BRCC3: variants seen among roughly 807,000 people sequenced by gnomAD.
The protein encoded by BRCC3 is lys-63-specific deubiquitinase BRCC36.
A neutral mutation model predicts 28.0 loss-of-function variants in BRCC3; 15 were observed. The ratio of observed to expected loss-of-function variants is 0.54; its 90% CI spans 0.36 to 0.82. BRCC3 has a LOEUF of 0.82. BRCC3 is among the 40% of genes least tolerant of loss of function. BRCC3 has a pLI of 0.01. For missense variants in BRCC3, 109 were observed against 225.9 expected, an observed-to-expected ratio of 0.48 and a Z score of 3.32; for synonymous variants, 66 against 80.3, an observed-to-expected ratio of 0.82 and a Z score of 0.95.
intron 7 of BRCC3, among the ~76,000 whole-genome samples, chrX:155,104,898 TAAGAGTGTATACTCAA>T (rs1401480408): frequency 4.4e-5 from 5 of 112,986 alleles, no homozygotes; most frequent in African/African-American, 1.6e-4. Context: ...GACATATGCC[TAAGAGTGTATACTCAA>T]AATACTTAGC....
chrX:155,102,104 C>T (rs2074250267), intron 7 of BRCC3, among the ~76,000 whole-genome samples: 1 of 112,232 alleles, frequency 8.9e-6, no homozygotes, highest in Admixed American at 9.4e-5. Context: ...TTGTCTATTA[C>T]AAATAAAGCT....
intron 3 of BRCC3, 73 bp from the exon 4 acceptor site, chrX:155,077,097 C>A (rs1375338964): frequency 1.3e-5 from 12 of 905,825 alleles, no homozygotes; most frequent in Non-Finnish European, 1.6e-5. Flanking sequence ...TAATAAAATG[C>A]AATTCTATAG....
intron 7 of BRCC3, among the ~76,000 whole-genome samples, chrX:155,092,732 G>A (rs1355751357): frequency 9.1e-6 from 1 of 110,463 alleles, no homozygotes; most frequent in Non-Finnish European, 1.9e-5. Flanking sequence ...TCTTCTCTAG[G>A]CCTACTGCAC....
chrX:155,088,639 C>T (rs782276507), intron 5 of BRCC3, among the ~76,000 whole-genome samples: 18 of 111,606 alleles, frequency 1.6e-4, no homozygotes, highest in Non-Finnish European at 3.4e-4. Context: ...AGGCAAGAGC[C>T]ACCACGCCTG....
At chrX:155,106,646 C>T (rs2074286750) in intron 7 of BRCC3, among the ~76,000 whole-genome samples, 1 of 112,037 alleles carries the variant, frequency 8.9e-6, no homozygotes, top group African/African-American at 3.2e-5. Flanking sequence ...TTTTTTTGTA[C>T]TGTCTTTATC....
At chrX:155,073,788 TC>T (rs1557292977) in intron 3 of BRCC3, among the ~76,000 whole-genome samples, 71 of 111,069 alleles carry the variant, frequency 6.4e-4, no homozygotes, top group African/African-American at 2.2e-3. Flanking sequence ...CATGCAGCCC[TC>T]TCTTCTTAAA....
At chrX:155,097,174 C>T (rs184251819) in intron 7 of BRCC3, among the ~76,000 whole-genome samples, 14 of 111,333 alleles carry the variant, frequency 1.3e-4, no homozygotes, top group East Asian at 8.4e-4. Flanking sequence ...CAAACTAAAA[C>T]GCCTGCACAG....
intron 7 of BRCC3, among the ~76,000 whole-genome samples, chrX:155,101,459 A>G (rs1376382738): frequency 8.9e-6 from 1 of 111,925 alleles, no homozygotes; most frequent in East Asian, 2.8e-4. Context: ...TCACATGGCA[A>G]TGTTCTAATT....
At chrX:155,118,497 A>C (rs182389654) in intron 9 of BRCC3, among the ~76,000 whole-genome samples, 34 of 112,150 alleles carry the variant, frequency 3.0e-4, no homozygotes, top group Admixed American at 2.3e-3. Flanking sequence ...AGGATGTCTT[A>C]GTTCATTTTG....
At chrX:155,089,171 T>C in intron 5 of BRCC3, 92 bp from the exon 6 acceptor site, 1 of 587,691 alleles carries the variant, frequency 1.7e-6, no homozygotes, top group Non-Finnish European at 2.7e-6. Context: ...TATGTTGCTG[T>C]TATCTTTAAA....
chrX:155,091,121 T>A (rs1351495258), intron 7 of BRCC3, among the ~76,000 whole-genome samples: 1 of 111,765 alleles, frequency 8.9e-6, no homozygotes, highest in African/African-American at 3.3e-5. Flanking sequence ...TGAGCTGCTA[T>A]TTTTCCTTTC....
intron 3 of BRCC3, 133 bp downstream of exon 3, chrX:155,073,564 C>G (rs2074005510): frequency 1.3e-6 from 1 of 768,092 alleles, no homozygotes; most frequent in Admixed American, 3.3e-5. Context: ...GATGAAGAAT[C>G]TACTCACTAG....
At chrX:155,085,747 G>GTAACCTGTGACTTC (rs2074119327) in intron 5 of BRCC3, among the ~76,000 whole-genome samples, 1 of 109,698 alleles carries the variant, frequency 9.1e-6, no homozygotes, top group Admixed American at 9.5e-5. Flanking sequence ...CAGTAACAGG[G>GTAACCTGTGACTTC]AGAAGTGGAA....
intron 7 of BRCC3, among the ~76,000 whole-genome samples, chrX:155,100,927 C>T (rs999362515): frequency 9.1e-6 from 1 of 109,996 alleles, no homozygotes; most frequent in South Asian, 3.9e-4. Context: ...AGGGTCTTGC[C>T]TTGTCACCCA....
chrX:155,115,983 A>G, intron 7 of BRCC3, 74 bp from the exon 8 acceptor site: 1 of 1,044,637 alleles, frequency 9.6e-7, no homozygotes. Flanking sequence ...CCAAACTTCC[A>G]ATTAAAACTG....
chrX:155,076,702 G>C (rs781998410), intron 3 of BRCC3, among the ~76,000 whole-genome samples: 2 of 111,436 alleles, frequency 1.8e-5, no homozygotes, highest in Non-Finnish European at 1.9e-5. Context: ...CTGATACGTG[G>C]GGTTTACAAT....
chrX:155,080,198 A>T (rs1557294038), intron 5 of BRCC3, among the ~76,000 whole-genome samples: 1 of 112,027 alleles, frequency 8.9e-6, no homozygotes, highest in African/African-American at 3.2e-5. Context: ...TTTGACACAT[A>T]TATTACTGAA....
intron 5 of BRCC3, among the ~76,000 whole-genome samples, chrX:155,085,384 G>GC (rs1351081042): frequency 8.9e-6 from 1 of 112,486 alleles, no homozygotes; most frequent in Middle Eastern, 4.6e-3. Context: ...CCACAAAGGG[G>GC]CCCAGTGCAT....
intron 7 of BRCC3, among the ~76,000 whole-genome samples, chrX:155,114,092 C>G (rs1013795655): frequency 9.0e-6 from 1 of 111,161 alleles, no homozygotes; most frequent in East Asian, 2.8e-4. Context: ...ATATGATCTA[C>G]CAGTCTCACT....
Sources: allele counts gnomAD v4.1 joint callset (sites outside exome capture counted in the v4.1 genomes callset), GRCh38; gene constraint gnomAD v4.1.1; transcripts MANE v1.5; gene names NCBI Gene and HGNC (gene_info 2026-07-23, HGNC 2026-07-21).